DCUN1D4: variants seen among roughly 807,000 people sequenced by gnomAD.
The protein encoded by DCUN1D4 is defective in cullin neddylation 1 domain containing 4, also known as DCN1-like protein 4.
Under a neutral mutation model 47.9 loss-of-function variants are expected in DCUN1D4, and 22 were observed. That is an observed-to-expected ratio of 0.46 (90% CI 0.33 to 0.66). The LOEUF (loss-of-function observed/expected upper bound fraction) is 0.66, where lower values mean the gene tolerates loss of function less well. DCUN1D4 is among the 30% of genes least tolerant of loss of function. The pLI is 0.02. For missense variants in DCUN1D4, 301 were observed against 340.8 expected (o/e 0.88, Z 0.92); for synonymous variants, 121 against 112.2 (o/e 1.08, Z -0.50).
intron 7 of DCUN1D4, among the ~76,000 whole-genome samples, chr4:51,897,083 T>A (rs2110087108): frequency 6.6e-6 from 1 of 152,288 alleles, no homozygotes; most frequent in South Asian, 2.1e-4. Flanking sequence ...TTCCCACCTC[T>A]CCAAAATATC....
chr4:51,844,117 T>G (rs1722089268), intron 1 of DCUN1D4, among the ~76,000 whole-genome samples: 1 of 104,770 alleles, frequency 9.5e-6, no homozygotes, highest in Non-Finnish European at 1.9e-5. Context: ...GGGTGGAGAA[T>G]ATGAAATGGG....
chr4:51,901,226 ACT>A (rs1274453926), intron 8 of DCUN1D4, among the ~76,000 whole-genome samples: 1 of 152,052 alleles, frequency 6.6e-6, no homozygotes, highest in African/African-American at 2.4e-5. Flanking sequence ...TCGACCCAGC[ACT>A]TCCCTGTGTA....
intron 1 of DCUN1D4, chr4:51,845,303 G>GA: frequency 1.0e-6 from 1 of 983,808 alleles, no homozygotes; most frequent in Non-Finnish European, 1.2e-6. Flanking sequence ...TGGGGTGTTT[G>GA]AAAAAATAAC....
Position 51,915,394 on chromosome 4 carries a change from T to C in DCUN1D4, c.*1810T>C, listed in dbSNP as rs1471474835. 1.3e-5 allele frequency: 2 copies of C among 152,588 alleles called. No individual in the cohort carries two copies. Among genetic ancestry groups the C allele is most frequent in the Non-Finnish European group, 2.9e-5 (2 of 68,024 alleles). 9.5% of individuals were successfully genotyped at this position (152,588 alleles called of 1,614,324 possible). On this transcript the variant is annotated 3_prime_UTR_variant, in exon 11 of 11. Transcript: ENST00000334635. Reference sequence around the variant, plus strand: ...AACCACTCCTTATTTGTAGATTCACTTTCAACCTTAAAAATTAATACCAGT... The same window carrying C: ...AACCACTCCTTATTTGTAGATTCACCTTCAACCTTAAAAATTAATACCAGT...
At chr4:51,855,215 G>A (rs1723946718) in intron 1 of DCUN1D4, among the ~76,000 whole-genome samples, 1 of 152,164 alleles carries the variant, frequency 6.6e-6, no homozygotes, top group Non-Finnish European at 1.5e-5. Context: ...GAGACAGAAA[G>A]TAGATTAGTG....
intron 9 of DCUN1D4, among the ~76,000 whole-genome samples, chr4:51,912,821 C>T (rs1425963165): frequency 6.6e-6 from 1 of 152,298 alleles, no homozygotes; most frequent in East Asian, 1.9e-4. Context: ...TGCTTTAAGC[C>T]GAAGGCTTGG....
At chr4:51,874,488 G>A (rs1727382660) in intron 4 of DCUN1D4, 103 bp downstream of exon 4, 1 of 670,686 alleles carries the variant, frequency 1.5e-6, no homozygotes. Context: ...AATGCCAAGT[G>A]GAATGGGCTT....
intron 3 of DCUN1D4, among the ~76,000 whole-genome samples, chr4:51,869,977 C>A (rs1206564114): frequency 6.6e-6 from 1 of 152,114 alleles, no homozygotes; most frequent in Non-Finnish European, 1.5e-5. Flanking sequence ...ATTTTGATTG[C>A]TTTCCTAAGT....
intron 5 of DCUN1D4, among the ~76,000 whole-genome samples, chr4:51,879,391 G>A (rs1369863245): frequency 6.6e-6 from 1 of 152,194 alleles, no homozygotes; most frequent in Non-Finnish European, 1.5e-5. Flanking sequence ...AGGATTGCCT[G>A]AGTTCAGGAG....
At chr4:51,898,921 T>TA (rs1310863745) in intron 7 of DCUN1D4, among the ~76,000 whole-genome samples, 1 of 152,232 alleles carries the variant, frequency 6.6e-6, no homozygotes, top group Non-Finnish European at 1.5e-5. Context: ...TTAACATTGA[T>TA]ACAGTAGTAA....
chr4:51,845,568 A>G (rs921998141), intron 1 of DCUN1D4, among the ~76,000 whole-genome samples: 4 of 152,332 alleles, frequency 2.6e-5, no homozygotes, highest in Admixed American at 2.6e-4. Context: ...TAAACGTCAC[A>G]TCCTTCACCA....
chr4:51,837,002 T>C, the DCUN1D4 span, among the ~76,000 whole-genome samples: 1 of 152,224 alleles, frequency 6.6e-6, no homozygotes, highest in Non-Finnish European at 1.5e-5. Flanking sequence ...ATGATTATTC[T>C]TTCTGTCCAG....
chr4:51,881,462 T>G (rs931652550), intron 5 of DCUN1D4, among the ~76,000 whole-genome samples: 1 of 152,112 alleles, frequency 6.6e-6, no homozygotes, highest in African/African-American at 2.4e-5. Flanking sequence ...CATTTGCCTC[T>G]GTGATGTGGT....
intron 5 of DCUN1D4, among the ~76,000 whole-genome samples, chr4:51,880,837 T>C (rs1236517059): frequency 6.6e-6 from 1 of 152,072 alleles, no homozygotes; most frequent in Non-Finnish European, 1.5e-5. Context: ...TTCATTAGAA[T>C]GAAGACAACC....
At chr4:51,879,313 A>G (rs1378535700) in intron 5 of DCUN1D4, among the ~76,000 whole-genome samples, 1 of 152,218 alleles carries the variant, frequency 6.6e-6, no homozygotes, top group Admixed American at 6.5e-5. Context: ...ATTTCTAGTA[A>G]AAGTGATTGA....
intron 1 of DCUN1D4, chr4:51,844,424 A>C (rs1374115164): frequency 1.0e-6 from 1 of 979,384 alleles, no homozygotes; most frequent in Non-Finnish European, 1.2e-6. Context: ...GGGCTCCGGC[A>C]GCGGGACTAG....
the DCUN1D4 span, among the ~76,000 whole-genome samples, chr4:51,835,126 C>T: frequency 1.8e-4 from 27 of 152,172 alleles, no homozygotes; most frequent in Non-Finnish European, 2.9e-5. Flanking sequence ...GTTGGGGATG[C>T]AGGTAGCGGG....
chr4:51,863,407 A>G (rs1250348358), intron 1 of DCUN1D4, 30 bp from the exon 2 acceptor site: 46 of 1,514,984 alleles, frequency 3.0e-5, no homozygotes, highest in Non-Finnish European at 4.2e-5. Flanking sequence ...GAAATAAATG[A>G]CGCTGACATT....
In DCUN1D4 at chr4:51,861,901, C is replaced by A. The variant is rs192919742; in HGVS notation, c.26-1536C>A. 4.6e-3 allele frequency among the ~76,000 whole-genome samples: 698 copies of A among 151,130 alleles called. 4 individuals are homozygous for A. Among genetic ancestry groups the A allele is most frequent in the Non-Finnish European group, 7.1e-3 (482 of 67,976 alleles). ...CCTCTTGCTGGTGAGAGGGCTGTAG[C>A]TTCTAGCTTCTACCCCTGTTCACGT... is the stretch of plus-strand genomic sequence containing the variant. On this transcript the variant is annotated intron_variant, in intron 1 of 10. Transcript: ENST00000334635.
Sources: allele counts gnomAD v4.1 joint callset (sites outside exome capture counted in the v4.1 genomes callset), GRCh38; gene constraint gnomAD v4.1.1; transcripts MANE v1.5; gene names NCBI Gene and HGNC (gene_info 2026-07-23, HGNC 2026-07-21).